The following FAM13B variants were observed in gnomAD, a reference collection of about 807,000 sequenced individuals.
FAM13B encodes family with sequence similarity 13 member B.
A neutral mutation model predicts 117.3 loss-of-function variants in FAM13B; 60 were observed. That is an observed-to-expected ratio of 0.51 (90% CI 0.42 to 0.63). FAM13B has a LOEUF of 0.63. FAM13B is among the 30% of genes least tolerant of loss of function. The pLI is 0.00. For missense variants in FAM13B, 972 were observed against 1,091.9 expected (o/e 0.89, Z 1.55); for synonymous variants, 332 against 356.1 (o/e 0.93, Z 0.76).
chr5:137,947,464 A>G (rs931819659), intron 18 of FAM13B, among the ~76,000 whole-genome samples: 1 of 152,188 alleles, frequency 6.6e-6, no homozygotes, highest in African/African-American at 2.4e-5. Flanking sequence ...ACTAAAAGAA[A>G]GGGCTTGGTG....
intron 2 of FAM13B, among the ~76,000 whole-genome samples, chr5:138,019,628 A>G (rs1441555914): frequency 6.6e-6 from 1 of 152,264 alleles, no homozygotes; most frequent in Admixed American, 6.5e-5. Flanking sequence ...TGATGGGCTA[A>G]TAAGAACAAG....
chr5:137,941,985 C>T lies in FAM13B; in HGVS notation c.2649G>A (p.Thr883=), dbSNP rs147208327. The part of the protein sequence containing the change: ...ARAEKKKLRK[T]LREFEEAFYQ... ...AAAATGCTTCTTCAAATTCCCGCAA[C>T]GTTTTGCGTAGTTTCTTTTTTTCAG... The change falls in exon 23 of 24, where the codon ACG becomes ACA. Residue 883 remains threonine, a synonymous_variant. Coordinates refer to ENST00000689681, the MANE Select transcript of FAM13B (RefSeq NM_001385994.1). 1.1e-5 allele frequency: 17 copies of T among 1,614,026 alleles called. No individual in the cohort carries two copies. Among genetic ancestry groups the T allele is most frequent in the South Asian group, 3.3e-5 (3 of 91,072 alleles).
chr5:137,987,409 A>C (rs1407563334), intron 9 of FAM13B, 52 bp downstream of exon 9: 4 of 1,465,650 alleles, frequency 2.7e-6, no homozygotes, highest in East Asian at 2.4e-5. Flanking sequence ...ATACAGTTTT[A>C]AGATAAAACA....
intron 1 of FAM13B, among the ~76,000 whole-genome samples, chr5:138,047,853 C>A (rs1791687149): frequency 6.6e-6 from 1 of 152,206 alleles, no homozygotes; most frequent in Non-Finnish European, 1.5e-5. Flanking sequence ...CCTAGATATT[C>A]CTCTAGGGGC....
chr5:138,020,967 G>A (rs996645240), intron 2 of FAM13B, 64 bp downstream of exon 2: 1 of 1,110,484 alleles, frequency 9.0e-7, no homozygotes, highest in Non-Finnish European at 1.1e-6. Flanking sequence ...GCAGCTACAG[G>A]GGCAAGTTCC....
intron 7 of FAM13B, among the ~76,000 whole-genome samples, chr5:138,002,170 C>T (rs530090208): frequency 1.3e-5 from 2 of 152,238 alleles, no homozygotes; most frequent in Admixed American, 1.3e-4. Context: ...CAGCAAAGTA[C>T]TTTTATAATT....
At position 137,978,539 on chromosome 5, in the gene FAM13B, C is replaced by T. The variant is rs1774699573; in HGVS notation, c.1179+6718G>A. Among the ~76,000 whole-genome samples, 3 of 152,048 alleles carry T rather than the reference C, an allele frequency of 2.0e-5. No homozygotes were observed. The South Asian group carries it at 6.2e-4, about 31-fold the overall frequency. On this transcript the variant is annotated intron_variant, in intron 10 of 23. Transcript: ENST00000689681. ...AGCCATTTCATTAGACTTTTAACCA[C>T]CCTAGCAAGCAAATAAAATTAAACT...
intron 1 of FAM13B, among the ~76,000 whole-genome samples, chr5:138,023,982 G>A (rs1489050382): frequency 6.6e-6 from 1 of 152,180 alleles, no homozygotes; most frequent in African/African-American, 2.4e-5. Flanking sequence ...TGTATCTAGA[G>A]CACATTGCTG....
At chr5:138,010,567 T>C (rs887884507) in intron 6 of FAM13B, among the ~76,000 whole-genome samples, 3 of 152,214 alleles carry the variant, frequency 2.0e-5, no homozygotes, top group East Asian at 1.9e-4. Context: ...TGCTTCCCAT[T>C]AGTGACAATT....
intron 4 of FAM13B, among the ~76,000 whole-genome samples, chr5:138,013,484 G>A (rs1182190092): frequency 7.1e-6 from 1 of 140,560 alleles, no homozygotes; most frequent in Admixed American, 7.5e-5. Context: ...CTGGGGGACA[G>A]AGCAAGACTC....
chr5:138,033,076 G>A lies in FAM13B; in HGVS notation c.-497C>T. ...CCCTAACGGCGAGCGGGAGGAGAGC[G>A]GCTGGCGGGCGGAGGCCGGGCCGGA... On this transcript the variant is annotated 5_prime_UTR_variant, in exon 1 of 24. Coordinates refer to ENST00000689681, the MANE Select transcript of FAM13B (RefSeq NM_001385994.1). 1 of 986,242 alleles carries A rather than the reference G, an allele frequency of 1.0e-6. No homozygotes were observed. Among genetic ancestry groups the A allele is most frequent in the Non-Finnish European group, 1.2e-6 (1 of 830,632 alleles). The allele number at this position is 986,242 out of a possible 1,614,324, so 61.1% of individuals were successfully genotyped here. A position where few individuals can be genotyped will look rare whatever the true frequency, so the allele number is the denominator to read the frequency against.
intron 10 of FAM13B, among the ~76,000 whole-genome samples, chr5:137,971,361 A>G (rs1169869089): frequency 6.6e-6 from 1 of 152,082 alleles, no homozygotes; most frequent in Non-Finnish European, 1.5e-5. Flanking sequence ...CTGAATGACT[A>G]CTGGGTACAT....
rs1293902637 is a variant in FAM13B at position 137,939,362 on chromosome 5, C to T, written c.*863G>A. On this transcript the variant is annotated 3_prime_UTR_variant, in exon 24 of 24. Transcript: ENST00000689681. Reference sequence around the variant, plus strand: ...TTGAACACACAAATCTGAGCACCATCAGAGTTCCTACATACTGACATGGCT... The same window carrying T: ...TTGAACACACAAATCTGAGCACCATTAGAGTTCCTACATACTGACATGGCT... 3 of 152,722 alleles carry T rather than the reference C, an allele frequency of 2.0e-5. No individual in the cohort carries two copies. The highest frequency in any genetic ancestry group is 7.2e-5 in the African/African-American group (3 of 41,470). The allele number at this position is 152,722 out of a possible 1,614,324, so 9.5% of individuals were successfully genotyped here.
chr5:137,999,633 A>G (rs987043819), intron 7 of FAM13B, among the ~76,000 whole-genome samples: 1 of 152,156 alleles, frequency 6.6e-6, no homozygotes, highest in Non-Finnish European at 1.5e-5. Context: ...TTACAGCAAC[A>G]CCCACTCCTC....
At position 137,940,253 on chromosome 5, in the gene FAM13B, C is replaced by T. The variant is rs770467626; in HGVS notation, c.2786G>A (p.Ser929Asn). 1 of 1,613,896 alleles carries T rather than the reference C, an allele frequency of 6.2e-7. No homozygotes were observed. Among genetic ancestry groups the T allele is most frequent in the Non-Finnish European group, 8.5e-7 (1 of 1,179,882 alleles). ...AKLRLLEVLI[S>N]KQDSSKSI ...TATGGATTTTGAAGAATCTTGTTTGCTTATAAGAACTTCAAGAAGCCTAAG... is the reference window on the plus strand; with the variant it reads ...TATGGATTTTGAAGAATCTTGTTTGTTTATAAGAACTTCAAGAAGCCTAAG... The change falls in exon 24 of 24, where the codon AGC becomes AAC. Residue 929 changes from serine (S) to asparagine (N), a missense_variant. Ser to Asn is a conservative substitution (Grantham distance 46). Transcript: ENST00000689681.
intron 10 of FAM13B, among the ~76,000 whole-genome samples, chr5:137,965,894 T>A (rs1158660784): frequency 6.6e-6 from 1 of 152,184 alleles, no homozygotes; most frequent in Non-Finnish European, 1.5e-5. Context: ...AATGAATGGA[T>A]TTTACTGATG....
At chr5:138,020,419 G>T (rs1270656419) in intron 2 of FAM13B, among the ~76,000 whole-genome samples, 1 of 152,154 alleles carries the variant, frequency 6.6e-6, no homozygotes, top group Non-Finnish European at 1.5e-5. Flanking sequence ...TAGTTCAGAA[G>T]AAATAGTTAT....
At chr5:137,941,800 G>C (rs1761933392) in intron 23 of FAM13B, 144 bp downstream of exon 23, 1 of 653,628 alleles carries the variant, frequency 1.5e-6, no homozygotes, top group African/African-American at 1.8e-5. Context: ...CAGGGCCTCA[G>C]AGCATAAAGG....
chr5:137,956,691 A>T, intron 13 of FAM13B, 149 bp from the exon 14 acceptor site: 1 of 362,736 alleles, frequency 2.8e-6, no homozygotes, highest in East Asian at 3.9e-5. Context: ...ATTAAAAGAA[A>T]TCACTACTAA....
Sources: gnomAD v4.1 joint callset for allele counts (sites outside exome capture counted in the v4.1 genomes callset) on GRCh38, gnomAD v4.1.1 for gene constraint, MANE v1.5 for transcripts, NCBI Gene and HGNC (gene_info 2026-07-23, HGNC 2026-07-21) for gene names.